DLG2: variants seen among roughly 807,000 people sequenced by gnomAD.
DLG2 encodes disks large homolog 2.
A neutral mutation model predicts 132.5 loss-of-function variants in DLG2; 45 were observed. The ratio of observed to expected loss-of-function variants is 0.34; its 90% CI spans 0.27 to 0.44. The LOEUF is 0.44. Ranked by LOEUF, DLG2 falls within the 20% of genes least tolerant of loss-of-function variation. The pLI is 1.00. For synonymous variants in DLG2, 424 were observed against 419.6 expected (o/e 1.01, Z -0.13); for missense variants, 1,045 against 1,196.9 (o/e 0.87, Z 1.87).
chr11:84,393,276 CTT>C (rs1567512500), intron 7 of DLG2, among the ~76,000 whole-genome samples: 1 of 151,988 alleles, frequency 6.6e-6, no homozygotes. Flanking sequence ...TATATATAAA[CTT>C]ATCTTTTGGA....
chr11:85,172,157 G>A (rs892135355), intron 4 of DLG2, among the ~76,000 whole-genome samples: 1 of 152,208 alleles, frequency 6.6e-6, no homozygotes, highest in African/African-American at 2.4e-5. Flanking sequence ...CGGACTGGGT[G>A]AGTCCTCCCA....
intron 3 of DLG2, among the ~76,000 whole-genome samples, chr11:85,519,337 C>G (rs2074090869): frequency 6.6e-6 from 1 of 152,216 alleles, no homozygotes; most frequent in Admixed American, 6.5e-5. Flanking sequence ...TAGGAACCCC[C>G]TTCTTGCTTC....
chr11:83,849,910 G>C (rs760133548), intron 16 of DLG2, among the ~76,000 whole-genome samples: 1 of 151,944 alleles, frequency 6.6e-6, no homozygotes, highest in African/African-American at 2.4e-5. Flanking sequence ...AAAATGTCTA[G>C]CAAACAAGGT....
At chr11:84,451,940 A>G (rs1313325202) in intron 7 of DLG2, among the ~76,000 whole-genome samples, 1 of 151,702 alleles carries the variant, frequency 6.6e-6, no homozygotes, top group Non-Finnish European at 1.5e-5. Context: ...AGGCCTTAAG[A>G]AGGGACTGTT....
At chr11:85,041,679 T>C (rs1483947278) in intron 6 of DLG2, among the ~76,000 whole-genome samples, 2 of 151,978 alleles carry the variant, frequency 1.3e-5, no homozygotes, top group Non-Finnish European at 2.9e-5. Flanking sequence ...TAGTGGTGAT[T>C]AAGCTGGGGT....
chr11:84,391,065 A>G (rs563451353), intron 7 of DLG2, among the ~76,000 whole-genome samples: 69 of 152,234 alleles, frequency 4.5e-4, no homozygotes, highest in African/African-American at 1.7e-3. Context: ...ACCTACACAC[A>G]AGGTTGAAAG....
At chr11:83,890,462 G>A (rs909748534) in intron 15 of DLG2, among the ~76,000 whole-genome samples, 24 of 151,898 alleles carry the variant, frequency 1.6e-4, no homozygotes, top group African/African-American at 5.8e-4. Context: ...TTCCTTTTCA[G>A]TTGTTACTGT....
intron 6 of DLG2, among the ~76,000 whole-genome samples, chr11:84,704,202 C>T (rs1344530058): frequency 6.6e-6 from 1 of 151,404 alleles, no homozygotes; most frequent in Non-Finnish European, 1.5e-5. Context: ...TAATCCAGAT[C>T]TGTTGAATTT....
intron 6 of DLG2, among the ~76,000 whole-genome samples, chr11:84,943,189 TG>T (rs1309395405): frequency 6.6e-6 from 1 of 151,854 alleles, no homozygotes; most frequent in East Asian, 1.9e-4. Flanking sequence ...TGTGTGTGTG[TG>T]TGTGTGTGTG....
At chr11:84,856,993 G>T (rs540927525) in intron 6 of DLG2, among the ~76,000 whole-genome samples, 2 of 151,916 alleles carry the variant, frequency 1.3e-5, no homozygotes, top group Non-Finnish European at 2.9e-5. Context: ...TATAGGAGAG[G>T]AGTGTCAACA....
chr11:85,473,505 A>G (rs1464807192), intron 3 of DLG2, among the ~76,000 whole-genome samples: 3 of 152,228 alleles, frequency 2.0e-5, no homozygotes, highest in Non-Finnish European at 4.4e-5. Flanking sequence ...GAAGAAAAAC[A>G]TTGAACATGA....
intron 17 of DLG2, among the ~76,000 whole-genome samples, chr11:83,805,027 G>A (rs1594699332): frequency 1.3e-5 from 2 of 152,028 alleles, no homozygotes; most frequent in South Asian, 4.1e-4. Context: ...AGAATCAGGT[G>A]AAACATTTTT....
intron 3 of DLG2, among the ~76,000 whole-genome samples, chr11:85,489,000 C>A (rs568620983): frequency 6.6e-6 from 1 of 151,832 alleles, no homozygotes; most frequent in Non-Finnish European, 1.5e-5. Flanking sequence ...ACCACAATGA[C>A]AGGGAAAAAG....
At chr11:83,712,841 A>G (rs1297656358) in intron 18 of DLG2, among the ~76,000 whole-genome samples, 3 of 152,160 alleles carry the variant, frequency 2.0e-5, no homozygotes, top group African/African-American at 7.2e-5. Flanking sequence ...AGCATCAGGA[A>G]GAATAGCTAA....
chr11:84,818,302 A>G (rs1179388539), intron 6 of DLG2, among the ~76,000 whole-genome samples: 1 of 151,978 alleles, frequency 6.6e-6, no homozygotes, highest in African/African-American at 2.4e-5. Flanking sequence ...TAGTCAGTAA[A>G]TGTATGTTTC....
intron 11 of DLG2, among the ~76,000 whole-genome samples, chr11:84,010,960 T>C (rs977000150): frequency 2.0e-5 from 3 of 152,162 alleles, no homozygotes; most frequent in Non-Finnish European, 2.9e-5. Flanking sequence ...ATTACTTTCC[T>C]GTATTTCGAA....
At chr11:85,353,326 A>G (rs1441664724) in intron 3 of DLG2, among the ~76,000 whole-genome samples, 2 of 152,216 alleles carry the variant, frequency 1.3e-5, no homozygotes, top group Non-Finnish European at 2.9e-5. Flanking sequence ...ATCATTAAAA[A>G]GTCAGGAAAC....
chr11:84,090,475 A>C (rs1246597241), intron 10 of DLG2, among the ~76,000 whole-genome samples: 5 of 152,066 alleles, frequency 3.3e-5, no homozygotes, highest in Admixed American at 3.3e-4. Context: ...CTACTCTAGA[A>C]GACAAAACAC....
chr11:83,527,840 C>G (rs1197636466), intron 21 of DLG2, among the ~76,000 whole-genome samples: 2 of 152,064 alleles, frequency 1.3e-5, no homozygotes, highest in Non-Finnish European at 2.9e-5. Flanking sequence ...GCATAAATCA[C>G]TAAATAGTCA....
Sources: gnomAD v4.1 joint callset for allele counts (sites outside exome capture counted in the v4.1 genomes callset) on GRCh38, gnomAD v4.1.1 for gene constraint, MANE v1.5 for transcripts, NCBI Gene and HGNC (gene_info 2026-07-23, HGNC 2026-07-21) for gene names.